Variants in FCHSD2 observed in about 807,000 individuals in gnomAD.
FCHSD2 encodes the protein FCH and double SH3 domains 2.
A neutral mutation model predicts 108.1 loss-of-function variants in FCHSD2; 38 were observed. That is an observed-to-expected ratio of 0.35 (90% CI 0.27 to 0.46). The LOEUF (loss-of-function observed/expected upper bound fraction) is 0.46, where lower values mean the gene tolerates loss of function less well. Among genes scored for constraint, FCHSD2 ranks in the 20% least tolerant of loss-of-function variants. The pLI, the probability that FCHSD2 is intolerant of heterozygous loss-of-function variation, is 1.00. For missense variants in FCHSD2, 751 were observed against 897.8 expected (o/e 0.84, Z 2.09); for synonymous variants, 279 against 314.7 (o/e 0.89, Z 1.20).
intron 12 of FCHSD2, among the ~76,000 whole-genome samples, chr11:72,873,278 G>A (rs188033301): frequency 2.3e-4 from 35 of 151,338 alleles, no homozygotes; most frequent in African/African-American, 7.8e-4. Flanking sequence ...GCAGTGAACC[G>A]AGATCGCGCC....
intron 13 of FCHSD2, among the ~76,000 whole-genome samples, chr11:72,860,676 C>T (rs1861548740): frequency 6.6e-6 from 1 of 152,102 alleles, no homozygotes; most frequent in Non-Finnish European, 1.5e-5. Flanking sequence ...GAGACCCCAT[C>T]TCTACTAAAT....
chr11:72,857,769 C>T (rs918133128), intron 13 of FCHSD2, among the ~76,000 whole-genome samples: 4 of 151,960 alleles, frequency 2.6e-5, no homozygotes, highest in Non-Finnish European at 4.4e-5. Flanking sequence ...ACTCTTATTG[C>T]AGAGGCAGGA....
intron 2 of FCHSD2, among the ~76,000 whole-genome samples, chr11:73,104,018 T>C (rs1386091918): frequency 6.6e-6 from 1 of 152,240 alleles, no homozygotes; most frequent in Non-Finnish European, 1.5e-5. Flanking sequence ...ATAAATGTTT[T>C]CTGTTATTAA....
chr11:72,846,682 C>G (rs1397690193), intron 14 of FCHSD2, among the ~76,000 whole-genome samples: 5 of 152,166 alleles, frequency 3.3e-5, no homozygotes, highest in Non-Finnish European at 7.3e-5. Flanking sequence ...GTCCTAGTAT[C>G]CAGTGACAAC....
chr11:73,085,793 T>A (rs1184606274), intron 2 of FCHSD2, among the ~76,000 whole-genome samples: 3 of 152,084 alleles, frequency 2.0e-5, no homozygotes, highest in African/African-American at 7.2e-5. Flanking sequence ...TGGTTCAAGT[T>A]GATGTTTAAA....
At chr11:73,083,837 G>A in intron 2 of FCHSD2, 97 bp from the exon 3 acceptor site, 1 of 776,930 alleles carries the variant, frequency 1.3e-6, no homozygotes, top group South Asian at 1.5e-5. Flanking sequence ...GTTAAGATAT[G>A]TGAGGGAAAG....
intron 13 of FCHSD2, among the ~76,000 whole-genome samples, chr11:72,855,341 T>A (rs1861399196): frequency 6.6e-6 from 1 of 152,052 alleles, no homozygotes; most frequent in Admixed American, 6.5e-5. Flanking sequence ...CTGGGTGTGG[T>A]GGCAGGTGCC....
At chr11:72,872,863 T>A (rs1217293159) in intron 12 of FCHSD2, among the ~76,000 whole-genome samples, 2 of 152,172 alleles carry the variant, frequency 1.3e-5, no homozygotes, top group African/African-American at 4.8e-5. Context: ...TCTGGGGAAA[T>A]ACTAGACTGT....
At chr11:73,139,523 G>A (rs919983677) in intron 2 of FCHSD2, among the ~76,000 whole-genome samples, 20 of 152,146 alleles carry the variant, frequency 1.3e-4, no homozygotes, top group African/African-American at 4.8e-4. Flanking sequence ...ATGAATATGA[G>A]TAACCTCAAT....
chr11:72,891,267 T>A (rs1435629576), intron 10 of FCHSD2, among the ~76,000 whole-genome samples: 1 of 152,214 alleles, frequency 6.6e-6, no homozygotes, highest in Non-Finnish European at 1.5e-5. Flanking sequence ...AGCTCAAAAT[T>A]GATAGAGTAA....
chr11:73,097,548 C>T (rs1029347639), intron 2 of FCHSD2, among the ~76,000 whole-genome samples: 1 of 149,258 alleles, frequency 6.7e-6, no homozygotes, highest in Admixed American at 6.7e-5. Context: ...GGTGTTAATT[C>T]ATCATTAACT....
intron 2 of FCHSD2, among the ~76,000 whole-genome samples, chr11:73,113,226 G>A (rs746539896): frequency 1.6e-4 from 24 of 151,624 alleles, no homozygotes; most frequent in African/African-American, 4.1e-4. Flanking sequence ...GTGTTATCTC[G>A]AATTTCTTAG....
At chr11:72,927,180 C>T (rs544718837) in intron 8 of FCHSD2, among the ~76,000 whole-genome samples, 2 of 152,292 alleles carry the variant, frequency 1.3e-5, no homozygotes, top group African/African-American at 4.8e-5. Flanking sequence ...TACGAGCTGC[C>T]TTCCATTTTC....
At chr11:73,028,203 C>A (rs1417104963) in intron 3 of FCHSD2, among the ~76,000 whole-genome samples, 1 of 152,196 alleles carries the variant, frequency 6.6e-6, no homozygotes, top group East Asian at 1.9e-4. Flanking sequence ...CACTCAATGG[C>A]AGCCTGTGAA....
At chr11:73,085,532 T>C (rs538995051) in intron 2 of FCHSD2, among the ~76,000 whole-genome samples, 1 of 152,220 alleles carries the variant, frequency 6.6e-6, no homozygotes, top group African/African-American at 2.4e-5. Context: ...TTTTCCCCTT[T>C]TGAGAGCCAG....
At chr11:73,005,100 A>T (rs999008470) in intron 4 of FCHSD2, among the ~76,000 whole-genome samples, 6 of 152,214 alleles carry the variant, frequency 3.9e-5, no homozygotes, top group African/African-American at 1.4e-4. Context: ...CTACAATGTC[A>T]GTTTTTCCAT....
chr11:72,955,724 C>A (rs985583212), intron 8 of FCHSD2, among the ~76,000 whole-genome samples: 2 of 152,118 alleles, frequency 1.3e-5, no homozygotes, highest in Non-Finnish European at 2.9e-5. Context: ...TCAGAAAGGT[C>A]TTAGGAGCCC....
intron 3 of FCHSD2, among the ~76,000 whole-genome samples, chr11:73,033,902 G>T (rs1308737906): frequency 1.3e-5 from 2 of 151,980 alleles, no homozygotes; most frequent in Non-Finnish European, 2.9e-5. Context: ...AAACATGATG[G>T]TAAACAACGC....
chr11:73,077,766 G>A, intron 3 of FCHSD2: 4 of 284,590 alleles, frequency 1.4e-5, no homozygotes, highest in Non-Finnish European at 2.1e-5. Flanking sequence ...TGGGAGAGAG[G>A]GATTATAAGG....
Sources: gnomAD v4.1 joint callset for allele counts (sites outside exome capture counted in the v4.1 genomes callset) on GRCh38, gnomAD v4.1.1 for gene constraint, MANE v1.5 for transcripts, NCBI Gene and HGNC (gene_info 2026-07-23, HGNC 2026-07-21) for gene names.